Variants in EPHA5 observed in about 807,000 individuals in gnomAD.
The protein encoded by EPHA5 is EPH receptor A5.
In EPHA5, 60 loss-of-function variants were observed where a neutral mutation model predicts 105.0. The observed-to-expected ratio is 0.57, with a 90% confidence interval of 0.46 to 0.71. EPHA5 has a LOEUF of 0.71. Ranked by LOEUF, EPHA5 falls within the 30% of genes least tolerant of loss-of-function variation. EPHA5 has a pLI of 0.00. For missense variants in EPHA5, 1,218 were observed against 1,274.7 expected (o/e 0.96, Z 0.68); for synonymous variants, 513 against 449.1 (o/e 1.14, Z -1.80).
At chr4:65,465,475 G>GAA (rs768690931) in intron 5 of EPHA5, among the ~76,000 whole-genome samples, 5,838 of 72,180 alleles carry the variant, frequency 0.081, 150 homozygotes, top group African/African-American at 0.1. Context: ...GAAAAAGAAA[G>GAA]AAAGAAAGAA....
chr4:65,387,204 A>G (rs1720186091), intron 8 of EPHA5, among the ~76,000 whole-genome samples: 1 of 151,922 alleles, frequency 6.6e-6, no homozygotes, highest in Non-Finnish European at 1.5e-5. Flanking sequence ...CATTTGGTTT[A>G]TACTGAGATG....
chr4:65,433,223 T>G (rs1008437677), intron 5 of EPHA5, among the ~76,000 whole-genome samples: 2 of 152,214 alleles, frequency 1.3e-5, no homozygotes, highest in Non-Finnish European at 2.9e-5. Flanking sequence ...TTCCATGATA[T>G]AAATAGTTTC....
At position 65,321,321 on chromosome 4, in the gene EPHA5, A is replaced by G. The variant is rs1039469361; in HGVS notation, c.*2793T>C. On this transcript the variant is annotated 3_prime_UTR_variant, in exon 17 of 17. Transcript: ENST00000613740. Reference sequence around the variant, plus strand: ...ATGAATCAACAGAATAAGAAATTACACAATCAAGATTTGTTAAACTTTGCC... The same window carrying G: ...ATGAATCAACAGAATAAGAAATTACGCAATCAAGATTTGTTAAACTTTGCC... 4.3e-6 allele frequency: 1 copy of G among 230,356 alleles called. No individual in the cohort carries two copies. 14.3% of individuals were successfully genotyped at this position (230,356 alleles called of 1,614,324 possible).
At chr4:65,515,054 C>T (rs1390888789) in intron 3 of EPHA5, among the ~76,000 whole-genome samples, 1 of 152,088 alleles carries the variant, frequency 6.6e-6, no homozygotes, top group Admixed American at 6.6e-5. Context: ...ATTTATAATC[C>T]TCTTTTACTT....
chr4:65,333,742 C>A (rs1720911358), intron 15 of EPHA5, among the ~76,000 whole-genome samples: 2 of 148,118 alleles, frequency 1.4e-5, no homozygotes, highest in South Asian at 4.3e-4. Context: ...TAAAAAGTAT[C>A]TACTTTTTAA....
chr4:65,612,274 T>A (rs934630922), intron 2 of EPHA5, among the ~76,000 whole-genome samples: 1 of 152,178 alleles, frequency 6.6e-6, no homozygotes, highest in Non-Finnish European at 1.5e-5. Context: ...TTCTTAATGT[T>A]AATGGTAACA....
intron 14 of EPHA5, among the ~76,000 whole-genome samples, chr4:65,342,836 A>G (rs924476461): frequency 1.3e-5 from 2 of 151,984 alleles, no homozygotes; most frequent in Non-Finnish European, 2.9e-5. Context: ...GAAGAGAGGC[A>G]CACCCAGTAC....
chr4:65,571,048 T>A (rs1443372518), intron 3 of EPHA5, among the ~76,000 whole-genome samples: 3 of 151,880 alleles, frequency 2.0e-5, no homozygotes, highest in Non-Finnish European at 2.9e-5. Flanking sequence ...CCCTCCCTTC[T>A]CTTCCTACCT....
At chr4:65,490,948 C>T (rs1241095305) in intron 4 of EPHA5, among the ~76,000 whole-genome samples, 1 of 152,020 alleles carries the variant, frequency 6.6e-6, no homozygotes, top group Non-Finnish European at 1.5e-5. Context: ...GAACGTTTTG[C>T]TTCATGTATA....
intron 5 of EPHA5, among the ~76,000 whole-genome samples, chr4:65,461,848 A>C (rs7696228): frequency 0.87 from 132,553 of 151,802 alleles, 58,103 homozygotes; most frequent in Middle Eastern, 0.93. Flanking sequence ...TAAAAAGGAG[A>C]AAAATGAGAA....
At chr4:65,599,146 TA>T (rs1489724650) in intron 3 of EPHA5, among the ~76,000 whole-genome samples, 1 of 152,038 alleles carries the variant, frequency 6.6e-6, no homozygotes, top group African/African-American at 2.4e-5. Flanking sequence ...GTAGATGATT[TA>T]AAGAGAAAGT....
intron 3 of EPHA5, among the ~76,000 whole-genome samples, chr4:65,498,805 A>G (rs34604848): frequency 0.44 from 65,948 of 151,454 alleles, 16,726 homozygotes; most frequent in East Asian, 0.62. Context: ...TAATGCAAAT[A>G]GATGTTTAGA....
intron 3 of EPHA5, among the ~76,000 whole-genome samples, chr4:65,509,535 T>C (rs1490429051): frequency 1.3e-5 from 2 of 152,156 alleles, no homozygotes; most frequent in African/African-American, 4.8e-5. Context: ...GAAAACAGTG[T>C]CCTGATTTTG....
intron 2 of EPHA5, among the ~76,000 whole-genome samples, chr4:65,633,869 T>C (rs879465728): frequency 5.9e-5 from 9 of 151,884 alleles, no homozygotes; most frequent in Non-Finnish European, 1.2e-4. Context: ...AAAAGCAATC[T>C]AAAGAAGAAA....
intron 3 of EPHA5, among the ~76,000 whole-genome samples, chr4:65,558,116 A>T (rs986048627): frequency 6.6e-6 from 1 of 152,082 alleles, no homozygotes; most frequent in Non-Finnish European, 1.5e-5. Flanking sequence ...ACCTCAGGTG[A>T]TCTGCCCACC....
intron 1 of EPHA5, among the ~76,000 whole-genome samples, chr4:65,647,615 G>A (rs1748237578): frequency 6.6e-6 from 1 of 152,010 alleles, no homozygotes; most frequent in African/African-American, 2.4e-5. Flanking sequence ...TAGAGGAAAT[G>A]TTTGATGCCA....
rs150971246 is a variant in EPHA5 at position 65,663,223 on chromosome 4, G to A, written c.181+6339C>T. The stretch of plus-strand genomic sequence containing the variant: ...AAACATAGACACTTTTTTAAAAGAG[G>A]TTTTCAGGCAATTTTTAAATATAGA... On this transcript the variant is annotated intron_variant, in intron 1 of 16. Transcript: ENST00000613740. Among the ~76,000 whole-genome samples, 11 of 152,098 alleles carry A rather than the reference G, an allele frequency of 7.2e-5. No homozygotes were observed. In the East Asian group the frequency reaches 2.1e-3, roughly 29 times the overall value.
Position 65,500,546 on chromosome 4 carries a change from C to CAA in EPHA5, c.911-5005_911-5004dup, listed in dbSNP as rs11302474. Among the ~76,000 whole-genome samples the CAA allele has an allele frequency of 7.4e-3, 1,053 of 141,738 alleles. 12 individuals carry two copies. Among genetic ancestry groups the CAA allele is most frequent in the African/African-American group, 0.026 (1,015 of 39,574 alleles). The allele number at this position is 141,738 out of a possible 152,430, so 93.0% of individuals were successfully genotyped here. A position where few individuals can be genotyped will look rare whatever the true frequency, so the allele number is the denominator to read the frequency against. On this transcript the variant is annotated intron_variant, in intron 3 of 16. Coordinates refer to ENST00000613740, the MANE Select transcript of EPHA5 (RefSeq NM_001281766.3). The stretch of plus-strand genomic sequence containing the variant: ...ATTGTTTAAAGATTCTCAAAATTAC[C>CAA]AAAAAAAAAAATTAAACTGACAAAT...
intron 2 of EPHA5, among the ~76,000 whole-genome samples, chr4:65,623,856 C>T (rs183635453): frequency 3.3e-5 from 5 of 152,156 alleles, no homozygotes; most frequent in African/African-American, 1.2e-4. Context: ...CTCATTTATG[C>T]AAATAAAGGA....
Sources: gnomAD v4.1 joint callset for allele counts (sites outside exome capture counted in the v4.1 genomes callset) on GRCh38, gnomAD v4.1.1 for gene constraint, MANE v1.5 for transcripts, NCBI Gene and HGNC (gene_info 2026-07-23, HGNC 2026-07-21) for gene names.